MMS22L: variants seen among roughly 807,000 people sequenced by gnomAD.
The protein encoded by MMS22L is protein MMS22-like.
In MMS22L, 74 loss-of-function variants were observed where a neutral mutation model predicts 159.1. The ratio of observed to expected loss-of-function variants is 0.47; its 90% confidence interval spans 0.39 to 0.56. The LOEUF (loss-of-function observed/expected upper bound fraction) is 0.56. MMS22L is among the 20% of genes least tolerant of loss of function. MMS22L has a pLI of 0.00. For missense variants in MMS22L, 1,351 were observed against 1,422.1 expected, an observed-to-expected ratio of 0.95 and a Z score of 0.80; for synonymous variants, 517 against 506.9, an observed-to-expected ratio of 1.02 and a Z score of -0.27.
intron 7 of MMS22L, 110 bp from the exon 8 acceptor site, chr6:97,268,112 T>A (rs1254562274): frequency 1.4e-6 from 1 of 691,908 alleles, no homozygotes; most frequent in East Asian, 3.5e-5. Context: ...CAGTTTTTAA[T>A]TTTTTTTTGC....
At chr6:97,187,985 A>T (rs1050045647) in intron 14 of MMS22L, among the ~76,000 whole-genome samples, 4 of 152,232 alleles carry the variant, frequency 2.6e-5, no homozygotes, top group Non-Finnish European at 5.9e-5. Flanking sequence ...GGCTGGGGAA[A>T]GAGTATACAG....
At chr6:97,189,551 CAAAAAAAAAAAAAAAAA>C (rs67620002) in intron 14 of MMS22L, among the ~76,000 whole-genome samples, 1 of 55,224 alleles carries the variant, frequency 1.8e-5, no homozygotes, top group Non-Finnish European at 3.0e-5. Flanking sequence ...ACTCTGTCTC[CAAAAAAAAAAAAAAAAA>C]AAAAAAAAAA....
At chr6:97,255,362 T>C (rs1324932154) in intron 9 of MMS22L, among the ~76,000 whole-genome samples, 1 of 152,146 alleles carries the variant, frequency 6.6e-6, no homozygotes, top group Non-Finnish European at 1.5e-5. Context: ...TGTTCCTTTT[T>C]ATATTTCTAG....
intron 23 of MMS22L, 47 bp from the exon 24 acceptor site, chr6:97,150,067 T>C: frequency 6.5e-7 from 1 of 1,529,370 alleles, no homozygotes; most frequent in East Asian, 2.3e-5. Context: ...GGGCAATTCC[T>C]TGTGTTGGTA....
At chr6:97,254,781 CT>C in intron 9 of MMS22L, 48 bp from the exon 10 acceptor site, 1 of 1,447,526 alleles carries the variant, frequency 6.9e-7, no homozygotes, top group Non-Finnish European at 9.2e-7. Context: ...TTTCAATAAC[CT>C]TTGATTTCGT....
intron 19 of MMS22L, among the ~76,000 whole-genome samples, chr6:97,170,532 T>A (rs1190046555): frequency 6.6e-6 from 1 of 151,938 alleles, no homozygotes; most frequent in Non-Finnish European, 1.5e-5. Flanking sequence ...TACAAAAAAA[T>A]TTAATACAAT....
intron 2 of MMS22L, 96 bp downstream of exon 2, chr6:97,282,218 T>G: frequency 1.6e-6 from 2 of 1,271,602 alleles, no homozygotes. Context: ...AAACACGACT[T>G]GGTGAACACC....
At chr6:97,165,623 G>T (rs1053905033) in intron 20 of MMS22L, among the ~76,000 whole-genome samples, 166 bp from the exon 21 acceptor site, 2 of 152,100 alleles carry the variant, frequency 1.3e-5, no homozygotes, top group Non-Finnish European at 2.9e-5. Flanking sequence ...GAATTACAAG[G>T]AGTTAAGCCT....
chr6:97,234,029 T>C (rs376416589), intron 11 of MMS22L, 49 bp from the exon 12 acceptor site: 1 of 1,574,082 alleles, frequency 6.4e-7, no homozygotes, highest in Non-Finnish European at 8.6e-7. Flanking sequence ...TCTGGCAATA[T>C]AAACATTTTC....
Position 97,173,116 on chromosome 6 carries a change from T to C in MMS22L, c.2786A>G (p.Tyr929Cys). Residue 929 changes from tyrosine (Y) to cysteine (C), a missense_variant, in exon 19 of 25, where the codon TAT becomes TGT. Physicochemically the swap from Tyr to Cys is radical, Grantham distance 194. Coordinates refer to ENST00000683635, the MANE Select transcript of MMS22L (RefSeq NM_001350599.2). ...LGEVLKYIKP[Y>C]LGKKVFSAGL... Reference sequence around the variant, plus strand: ...TGCACTGAAAACTTTTTTTCCCAAATAAGGCTTAATATATTTTAATACTTC... The same window carrying C: ...TGCACTGAAAACTTTTTTTCCCAAACAAGGCTTAATATATTTTAATACTTC... 1 of 1,613,474 alleles carries C rather than the reference T, an allele frequency of 6.2e-7. No individual in the cohort carries two copies.
chr6:97,275,373 A>G (rs1010417869), intron 4 of MMS22L, among the ~76,000 whole-genome samples: 1 of 152,116 alleles, frequency 6.6e-6, no homozygotes, highest in African/African-American at 2.4e-5. Context: ...CTAAAAATAC[A>G]AAAATTAGCT....
In MMS22L at chr6:97,229,377, C is replaced by A; in HGVS notation, c.1556G>T (p.Arg519Ile). Residue 519 changes from arginine to isoleucine, a missense_variant, in exon 14 of 25, where the codon AGA (arginine) becomes ATA (isoleucine). Physicochemically the swap from Arg to Ile is moderately conservative, Grantham distance 97. Coordinates refer to ENST00000683635, the MANE Select transcript of MMS22L (RefSeq NM_001350599.2). ...GRIYSKFHQK[R>I]MEELTEVGLQ... ...ACCAACTTCAGTTAGTTCTTCCATT[C>A]TTTTTTGATGGAATTTTGAATATAT... 6.4e-7 allele frequency: 1 copy of A among 1,573,322 alleles called. No individual in the cohort carries two copies. Among genetic ancestry groups the A allele is most frequent in the Non-Finnish European group, 8.6e-7 (1 of 1,159,122 alleles).
chr6:97,282,940 A>G (rs1266471030), intron 1 of MMS22L, 156 bp downstream of exon 1: 1 of 154,004 alleles, frequency 6.5e-6, no homozygotes, highest in Non-Finnish European at 1.4e-5. Context: ...TTAGGAAAGC[A>G]ACCCCTAGGG....
At chr6:97,158,644 G>T (rs1802103485) in intron 22 of MMS22L, among the ~76,000 whole-genome samples, 1 of 152,154 alleles carries the variant, frequency 6.6e-6, no homozygotes, top group East Asian at 1.9e-4. Context: ...TTAATCCTGA[G>T]TTCCAACTGG....
chr6:97,269,926 G>C lies in MMS22L; in HGVS notation c.673C>G (p.Leu225Val). 1 of 1,610,794 alleles carries C rather than the reference G, an allele frequency of 6.2e-7. No homozygotes were observed. ...CTCAATTTTTCACCCAGCATGTAAA[G>C]AATTTCTAGCACCAGCCAATGTATA... ...LDIHWLVLEI[L>V]YMLGEKLKQV... Residue 225 changes from leucine to valine, a missense_variant, in exon 7 of 25, where the codon CTT (leucine) becomes GTT (valine). Leu to Val is a conservative substitution (Grantham distance 32). Transcript: ENST00000683635.
rs1216044544 is a variant in MMS22L at position 97,145,012 on chromosome 6, GAAAAA to G, written c.*1789_*1793del. 4.4e-5 allele frequency: 4 copies of G among 90,874 alleles called. No individual in the cohort carries two copies. Among genetic ancestry groups the G allele is most frequent in the African/African-American group, 1.3e-4 (3 of 22,826 alleles). 5.6% of individuals were successfully genotyped at this position (90,874 alleles called of 1,614,324 possible). ...AAGGTATCTTTATCAATCTCCTTTG[GAAAAA>G]AAAAACCCACACACACACACACACA... On this transcript the variant is annotated 3_prime_UTR_variant, in exon 25 of 25. Transcript: ENST00000683635.
intron 14 of MMS22L, among the ~76,000 whole-genome samples, chr6:97,195,654 T>TA (rs569086731): frequency 5.1e-4 from 78 of 152,270 alleles, no homozygotes; most frequent in Non-Finnish European, 1.1e-3. Flanking sequence ...ATCCTGCTGT[T>TA]AAAAGAAAAA....
chr6:97,188,479 C>T (rs1805485665), intron 14 of MMS22L, among the ~76,000 whole-genome samples: 2 of 152,054 alleles, frequency 1.3e-5, no homozygotes, highest in South Asian at 4.2e-4. Context: ...TATCATTAAT[C>T]CTCTTTATAG....
At chr6:97,197,838 C>T (rs1347752000) in intron 14 of MMS22L, among the ~76,000 whole-genome samples, 3 of 152,124 alleles carry the variant, frequency 2.0e-5, no homozygotes, top group Non-Finnish European at 4.4e-5. Flanking sequence ...CTTAGCAGCA[C>T]TGGAGCCAAT....
Sources: gnomAD v4.1 joint callset for allele counts (sites outside exome capture counted in the v4.1 genomes callset) on GRCh38, gnomAD v4.1.1 for gene constraint, MANE v1.5 for transcripts, NCBI Gene and HGNC (gene_info 2026-07-23, HGNC 2026-07-21) for gene names.